The following ANKFN1 variants were observed in gnomAD, a reference collection of about 807,000 sequenced individuals.
The protein encoded by ANKFN1 is ankyrin repeat and fibronectin type III domain containing 1.
Under a neutral mutation model 108.7 loss-of-function variants are expected in ANKFN1, and 74 were observed. The observed-to-expected ratio is 0.68, with a 90% CI of 0.56 to 0.83. The LOEUF is 0.83. Among genes scored for constraint, ANKFN1 ranks in the 40% least tolerant of loss-of-function variants. ANKFN1 has a pLI of 0.00. For synonymous variants in ANKFN1, 547 were observed against 516.2 expected, an observed-to-expected ratio of 1.06 and a Z score of -0.81; for missense variants, 1,505 against 1,382.3, an observed-to-expected ratio of 1.09 and a Z score of -1.41.
chr17:56,132,548 A>G (rs908137610), intron 4 of ANKFN1, among the ~76,000 whole-genome samples: 5 of 152,216 alleles, frequency 3.3e-5, no homozygotes, highest in African/African-American at 1.2e-4. Flanking sequence ...GAATATATCA[A>G]TAAATCGCAA....
rs560879884 is a variant in ANKFN1, at chr17:56,240,424, T to C, written c.53+12467T>C. 3.3e-5 allele frequency among the ~76,000 whole-genome samples: 5 copies of C among 152,206 alleles called. No homozygotes were observed. The South Asian group carries it at 1.0e-3, about 32-fold the overall frequency. ...TCCATTGCATGAATATATTGCTATT[T>C]TCATTCATTCATTCATTCTATTGGT... On this transcript the variant is annotated intron_variant, in intron 3 of 20. Coordinates refer to ENST00000682825, the MANE Select transcript of ANKFN1 (RefSeq NM_001370326.1).
At chr17:56,308,237 TAA>T (rs35895470) in intron 3 of ANKFN1, among the ~76,000 whole-genome samples, 63 of 141,848 alleles carry the variant, frequency 4.4e-4, no homozygotes, top group Middle Eastern at 3.5e-3. Context: ...TAAAGTATAA[TAA>T]AAAAAAAAAA....
chr17:56,182,748 A>G (rs1031450535), intron 1 of ANKFN1, among the ~76,000 whole-genome samples: 41 of 152,258 alleles, frequency 2.7e-4, no homozygotes, highest in African/African-American at 8.7e-4. Flanking sequence ...CTATTGAAAG[A>G]AGATGCCATT....
chr17:56,079,185 C>T (rs908483722), intron 4 of ANKFN1, among the ~76,000 whole-genome samples: 3 of 152,170 alleles, frequency 2.0e-5, no homozygotes, highest in African/African-American at 4.8e-5. Context: ...TAACTGCCCC[C>T]GAGGAGGCCT....
intron 5 of ANKFN1, among the ~76,000 whole-genome samples, chr17:56,351,876 A>G (rs941515583): frequency 6.6e-6 from 1 of 152,214 alleles, no homozygotes; most frequent in African/African-American, 2.4e-5. Flanking sequence ...CTCTTAAAAC[A>G]GAAATGAGTC....
At chr17:56,257,006 C>T (rs1026616557) in intron 3 of ANKFN1, among the ~76,000 whole-genome samples, 3 of 152,218 alleles carry the variant, frequency 2.0e-5, no homozygotes, top group Non-Finnish European at 2.9e-5. Flanking sequence ...ACCTATCACT[C>T]GCTATCCTGG....
At chr17:56,197,229 A>C (rs887524867) in intron 1 of ANKFN1, among the ~76,000 whole-genome samples, 1 of 152,152 alleles carries the variant, frequency 6.6e-6, no homozygotes, top group Non-Finnish European at 1.5e-5. Flanking sequence ...TACATTTATA[A>C]AAACACAGAC....
intron 8 of ANKFN1, among the ~76,000 whole-genome samples, chr17:56,396,660 A>C (rs1479115540): frequency 6.6e-6 from 1 of 152,138 alleles, no homozygotes; most frequent in African/African-American, 2.4e-5. Context: ...TGTGCTAGCC[A>C]TTGGGTCAGG....
At chr17:56,346,140 T>C (rs2046092904) in intron 4 of ANKFN1, among the ~76,000 whole-genome samples, 1 of 152,128 alleles carries the variant, frequency 6.6e-6, no homozygotes, top group African/African-American at 2.4e-5. Flanking sequence ...ATTTATTAAA[T>C]AGGGAATCCT....
chr17:56,317,255 A>G (rs1030110345), intron 3 of ANKFN1, among the ~76,000 whole-genome samples: 1 of 152,200 alleles, frequency 6.6e-6, no homozygotes, highest in Non-Finnish European at 1.5e-5. Flanking sequence ...TAAAAAAGAA[A>G]AAAGCCAGAA....
At chr17:56,197,849 G>A (rs1367855945) in intron 1 of ANKFN1, among the ~76,000 whole-genome samples, 1 of 152,172 alleles carries the variant, frequency 6.6e-6, no homozygotes, top group Non-Finnish European at 1.5e-5. Flanking sequence ...CCATGCACAG[G>A]GGTGTGGGAA....
intron 1 of ANKFN1, among the ~76,000 whole-genome samples, chr17:56,162,511 C>T (rs1909757258): frequency 1.3e-5 from 2 of 152,190 alleles, no homozygotes; most frequent in African/African-American, 2.4e-5. Context: ...TATAAGGACA[C>T]AGTCATATTG....
At chr17:56,403,166 A>G (rs1442581900) in intron 8 of ANKFN1, among the ~76,000 whole-genome samples, 1 of 152,134 alleles carries the variant, frequency 6.6e-6, no homozygotes, top group Non-Finnish European at 1.5e-5. Context: ...TAGAATGTGT[A>G]TTCTGTGGTT....
chr17:56,106,315 T>C (rs1480975441), intron 4 of ANKFN1, among the ~76,000 whole-genome samples: 11 of 152,172 alleles, frequency 7.2e-5, no homozygotes, highest in African/African-American at 2.4e-4. Flanking sequence ...CTCTGCCCTT[T>C]CCTAGAGTTG....
intron 8 of ANKFN1, among the ~76,000 whole-genome samples, chr17:56,432,934 A>T: frequency 6.6e-6 from 1 of 152,148 alleles, no homozygotes; most frequent in East Asian, 1.9e-4. Context: ...ATCATCTAGC[A>T]TTTATACAAT....
intron 19 of ANKFN1, among the ~76,000 whole-genome samples, chr17:56,498,275 A>T (rs1358249877): frequency 6.6e-6 from 1 of 152,066 alleles, no homozygotes; most frequent in Non-Finnish European, 1.5e-5. Flanking sequence ...AGGTCCAAAA[A>T]CCTCTACTTA....
chr17:56,373,543 G>C (rs920806075), intron 7 of ANKFN1, among the ~76,000 whole-genome samples: 3 of 152,192 alleles, frequency 2.0e-5, no homozygotes, highest in African/African-American at 7.2e-5. Flanking sequence ...AATTAGGCTG[G>C]AAATTTTAAA....
chr17:56,350,884 A>C lies in ANKFN1; in HGVS notation c.307A>C (p.Lys103Gln), dbSNP rs993596357. Residue 103 changes from lysine (K) to glutamine (Q), a missense_variant, in exon 5 of 21, where the codon AAA (lysine) becomes CAA (glutamine). By Grantham distance (53) the Lys-to-Gln change is moderately conservative. Coordinates refer to ENST00000682825, the MANE Select transcript of ANKFN1 (RefSeq NM_001370326.1). ...AKRLYRNLSE[K>Q]LKGSHSSFDE... The stretch of plus-strand genomic sequence containing the variant: ...ACGCCTGTACAGGAACCTCTCTGAG[A>C]AACTGAAAGGGAGCCACTCTTCCTT... 13 of 1,613,866 alleles carry C rather than the reference A, an allele frequency of 8.1e-6. No homozygotes were observed. The highest frequency in any genetic ancestry group is 1.1e-5 in the Non-Finnish European group (13 of 1,179,904).
At chr17:56,439,678 T>C (rs1015419790) in intron 8 of ANKFN1, among the ~76,000 whole-genome samples, 1 of 151,992 alleles carries the variant, frequency 6.6e-6, no homozygotes, top group Non-Finnish European at 1.5e-5. Flanking sequence ...GGGAAGAGAA[T>C]GTTTTCAGAA....
Sources: gnomAD v4.1 joint callset for allele counts (sites outside exome capture counted in the v4.1 genomes callset) on GRCh38, gnomAD v4.1.1 for gene constraint, MANE v1.5 for transcripts, NCBI Gene and HGNC (gene_info 2026-07-23, HGNC 2026-07-21) for gene names.